Variants in SLC4A5 observed in about 807,000 individuals in gnomAD.
The protein encoded by SLC4A5 is electrogenic sodium bicarbonate cotransporter 4.
Under a neutral mutation model 120.4 loss-of-function variants are expected in SLC4A5, and 96 were observed. The observed-to-expected ratio is 0.80, with a 90% CI of 0.68 to 0.94. SLC4A5 has a LOEUF of 0.94. Among genes scored for constraint, SLC4A5 ranks in the 40% least tolerant of loss-of-function variants. The pLI is 0.00. For missense variants in SLC4A5, 1,259 were observed against 1,459.5 expected (o/e 0.86, Z 2.24); for synonymous variants, 550 against 571.1 (o/e 0.96, Z 0.53).
rs1201251829 is a variant in SLC4A5 at position 74,231,128 on chromosome 2, G to C, written c.2847+108C>G. 7 of 975,624 alleles carry C rather than the reference G, an allele frequency of 7.2e-6. No individual in the cohort carries two copies. In the Admixed American group the frequency reaches 1.1e-4, roughly 15 times the overall value. The allele number at this position is 975,624 out of a possible 1,614,324, so 60.4% of individuals were successfully genotyped here. ...GGCCAAGACTGTGCCTTTCTTAGGG[G>C]GCTGATAGGCCAGTGATCCCTAGCC... On this transcript the variant is annotated intron_variant, in intron 25 of 30. Coordinates refer to ENST00000394019, the Ensembl canonical transcript of SLC4A5.
Position 74,232,603 on chromosome 2 carries a change from G to A in SLC4A5, c.2640C>T (p.Leu880=), listed in dbSNP as rs781580956. 5.0e-6 allele frequency: 8 copies of A among 1,613,942 alleles called. No homozygotes were observed. In the Admixed American group the frequency reaches 8.3e-5, roughly 17 times the overall value. ...GCCCCATAAAGGAGCACAAAGCCATGAGGATGCCCACCCAGAACAGGTCCA... is the reference window on the plus strand; with the variant it reads ...GCCCCATAAAGGAGCACAAAGCCATAAGGATGCCCACCCAGAACAGGTCCA... Residue 880 remains leucine (L), a synonymous_variant, in exon 24 of 31, where the codon CTC becomes CTT. Coordinates refer to ENST00000394019, the Ensembl canonical transcript of SLC4A5.
At chr2:74,253,321 A>T (rs778865188) in intron 14 of SLC4A5, among the ~76,000 whole-genome samples, 193 bp from the exon 15 acceptor site, 1 of 152,152 alleles carries the variant, frequency 6.6e-6, no homozygotes, top group Non-Finnish European at 1.5e-5. Context: ...GCACTGGGGG[A>T]AGACAGCCTC....
At chr2:74,304,489 G>T (rs761812478) in exon 7 of SLC4A5, 1 of 1,608,492 alleles carries the variant, frequency 6.2e-7, no homozygotes, top group Non-Finnish European at 8.5e-7. Flanking sequence ...AGGAACTCAC[G>T]AGTCCTGCTG....
intron 19 of SLC4A5, among the ~76,000 whole-genome samples, chr2:74,245,245 G>A (rs1257000476): frequency 1.3e-5 from 2 of 152,172 alleles, no homozygotes; most frequent in Non-Finnish European, 2.9e-5. Flanking sequence ...CTTGAACCCA[G>A]GAGGCAGAGG....
At chr2:74,232,877 G>A (rs1324821204) in intron 23 of SLC4A5, among the ~76,000 whole-genome samples, 1 of 152,174 alleles carries the variant, frequency 6.6e-6, no homozygotes, top group Non-Finnish European at 1.5e-5. Flanking sequence ...TTCAAGCTTG[G>A]AGAGGCCCTG....
In SLC4A5 at chr2:74,285,961, G is replaced by A. The variant is rs1191397427; in HGVS notation, c.272-59C>T. On this transcript the variant is annotated intron_variant, in intron 7 of 30. Transcript: ENST00000394019. ...CCCATGGAAGGCAGGAGGACCACAAGGCCAACAGAAATGGAGTAGGAGGCA... is the reference window on the plus strand; with the variant it reads ...CCCATGGAAGGCAGGAGGACCACAAAGCCAACAGAAATGGAGTAGGAGGCA... The A allele has an allele frequency of 2.7e-6, 4 of 1,503,992 alleles. No homozygotes were observed. In the African/African-American group the frequency reaches 4.2e-5, roughly 16 times the overall value. The allele number at this position is 1,503,992 out of a possible 1,614,324, so 93.2% of individuals were successfully genotyped here.
intron 7 of SLC4A5, among the ~76,000 whole-genome samples, chr2:74,301,370 G>A (rs1265479471): frequency 6.6e-6 from 1 of 152,172 alleles, no homozygotes; most frequent in East Asian, 1.9e-4. Flanking sequence ...TCTGCATAGT[G>A]TGCCTGACCC....
intron 30 of SLC4A5, among the ~76,000 whole-genome samples, chr2:74,221,101 C>T (rs538853896): frequency 2.6e-5 from 4 of 152,244 alleles, no homozygotes; most frequent in African/African-American, 9.6e-5. Flanking sequence ...CCTTGGCCTC[C>T]GAAAGTGCTG....
intron 18 of SLC4A5, among the ~76,000 whole-genome samples, 155 bp from the exon 19 acceptor site, chr2:74,247,462 CAGAGTTGTCTGATCTTTG>C (rs1008325076): frequency 2.0e-5 from 3 of 152,144 alleles, no homozygotes; most frequent in African/African-American, 7.2e-5. Flanking sequence ...AATTCTTGGG[CAGAGTTGTCTGATCTTTG>C]AGATTTCATG....
At chr2:74,333,195 A>G (rs1314521577) in intron 4 of SLC4A5, among the ~76,000 whole-genome samples, 1 of 152,182 alleles carries the variant, frequency 6.6e-6, no homozygotes, top group Non-Finnish European at 1.5e-5. Context: ...AGTGGTCAGA[A>G]ATGCTGCTAA....
At chr2:74,236,094 G>C (rs1670258211) in intron 21 of SLC4A5, among the ~76,000 whole-genome samples, 1 of 152,094 alleles carries the variant, frequency 6.6e-6, no homozygotes. Context: ...ATGAGGAAAA[G>C]CAAAGTCTCC....
chr2:74,336,221 C>A (rs991047870), intron 3 of SLC4A5, among the ~76,000 whole-genome samples: 1 of 152,158 alleles, frequency 6.6e-6, no homozygotes, highest in African/African-American at 2.4e-5. Flanking sequence ...GCAGGTGCCA[C>A]ACCATACCAG....
At chr2:74,260,312 T>G (rs1178117468) in intron 11 of SLC4A5, among the ~76,000 whole-genome samples, 1 of 152,076 alleles carries the variant, frequency 6.6e-6, no homozygotes, top group African/African-American at 2.4e-5. Flanking sequence ...TTGGCTCTCC[T>G]CCTCTCATTT....
chr2:74,251,550 T>C (rs185246396), intron 16 of SLC4A5, among the ~76,000 whole-genome samples: 1 of 152,266 alleles, frequency 6.6e-6, no homozygotes, highest in African/African-American at 2.4e-5. Context: ...CCAAAAGATA[T>C]ATTAAGGTCC....
intron 7 of SLC4A5, among the ~76,000 whole-genome samples, chr2:74,303,174 C>A (rs1672529190): frequency 6.6e-6 from 1 of 151,822 alleles, no homozygotes; most frequent in South Asian, 2.1e-4. Context: ...ACACTGGACT[C>A]CTCCAAAGGA....
At chr2:74,321,790 A>T (rs558086402) in intron 5 of SLC4A5, among the ~76,000 whole-genome samples, 1 of 151,852 alleles carries the variant, frequency 6.6e-6, no homozygotes, top group South Asian at 2.1e-4. Context: ...GATTGCCAGT[A>T]GTCACCTTCC....
At chr2:74,329,574 G>A (rs1673300211) in intron 4 of SLC4A5, among the ~76,000 whole-genome samples, 1 of 151,312 alleles carries the variant, frequency 6.6e-6, no homozygotes, top group Non-Finnish European at 1.5e-5. Context: ...GGGCAACACG[G>A]CGAGGCTCCA....
intron 5 of SLC4A5, among the ~76,000 whole-genome samples, chr2:74,320,744 G>T (rs10451659): frequency 0.038 from 5,822 of 152,206 alleles, 383 homozygotes; most frequent in African/African-American, 0.13. Flanking sequence ...GAAAGTCACC[G>T]GAGAAGAACC....
At chr2:74,249,843 C>A (rs750452199) in intron 17 of SLC4A5, among the ~76,000 whole-genome samples, 6 of 152,188 alleles carry the variant, frequency 3.9e-5, no homozygotes, top group Non-Finnish European at 7.3e-5. Context: ...CTTTGAAGGC[C>A]TCCATTGGAG....
Sources: gnomAD v4.1 joint callset for allele counts (sites outside exome capture counted in the v4.1 genomes callset) on GRCh38, gnomAD v4.1.1 for gene constraint, MANE v1.5 for transcripts, NCBI Gene and HGNC (gene_info 2026-07-23, HGNC 2026-07-21) for gene names.